Variants in CFAP299 observed in about 807,000 individuals in gnomAD.
The protein encoded by CFAP299 is cilia- and flagella-associated protein 299.
CFAP299 carries 21 observed loss-of-function variants against 27.0 expected under a neutral mutation model. The observed-to-expected ratio is 0.78, with a 90% CI of 0.55 to 1.12. The LOEUF (loss-of-function observed/expected upper bound fraction) is 1.12, where lower values mean the gene tolerates loss of function less well. Among genes scored for constraint, CFAP299 ranks in the 50% most tolerant of loss-of-function variants. The pLI is 0.00. For missense variants in CFAP299, 310 were observed against 276.6 expected (o/e 1.12, Z -0.86); for synonymous variants, 104 against 98.1 (o/e 1.06, Z -0.36).
rs187294630 is a variant in CFAP299, at chr4:80,934,427, A to G, written c.477-10383A>G. ...ATCAGGATAAAGTAGGCCCCATAAG[A>G]TGAATTTTGAAATATTCCCTCCTAT... On this transcript the variant is annotated intron_variant, in intron 4 of 5. Coordinates refer to ENST00000358105, the MANE Select transcript of CFAP299 (RefSeq NM_152770.3). 4.0e-3 allele frequency among the ~76,000 whole-genome samples: 616 copies of G among 152,160 alleles called. 1 individual carries two copies. Among genetic ancestry groups the G allele is most frequent in the Middle Eastern group, 0.014 (4 of 294 alleles).
chr4:80,685,775 A>AT (rs1327313111), intron 3 of CFAP299, among the ~76,000 whole-genome samples: 12 of 152,010 alleles, frequency 7.9e-5, no homozygotes, highest in Middle Eastern at 3.4e-3. Context: ...ATAATGCTGA[A>AT]TTTTTTTTCC....
At chr4:80,528,455 C>G (rs929472376) in intron 2 of CFAP299, among the ~76,000 whole-genome samples, 3 of 152,070 alleles carry the variant, frequency 2.0e-5, no homozygotes, top group African/African-American at 7.2e-5. Flanking sequence ...TGGCTAGATT[C>G]TCCTTTAGTT....
At chr4:80,370,713 A>AG (rs1362274209) in intron 2 of CFAP299, among the ~76,000 whole-genome samples, 1 of 152,324 alleles carries the variant, frequency 6.6e-6, no homozygotes, top group African/African-American at 2.4e-5. Flanking sequence ...TGCTGATGCA[A>AG]GGGGGGCTCC....
intron 4 of CFAP299, among the ~76,000 whole-genome samples, chr4:80,884,718 A>G (rs1028540075): frequency 6.8e-6 from 1 of 147,742 alleles, no homozygotes; most frequent in Non-Finnish European, 1.5e-5. Flanking sequence ...AAAATAAAAT[A>G]AACAAAGTTG....
intron 3 of CFAP299, among the ~76,000 whole-genome samples, chr4:80,688,540 C>T (rs1025046280): frequency 6.6e-6 from 1 of 152,230 alleles, no homozygotes; most frequent in Non-Finnish European, 1.5e-5. Flanking sequence ...AAAAACCCAT[C>T]TGTACATCAC....
At chr4:80,961,420 G>C (rs1738339292) in intron 5 of CFAP299, among the ~76,000 whole-genome samples, 1 of 151,668 alleles carries the variant, frequency 6.6e-6, no homozygotes, top group South Asian at 2.1e-4. Context: ...AAGTTATTAA[G>C]TATAGCACAA....
chr4:80,671,248 T>TC (rs1290249906), intron 3 of CFAP299, among the ~76,000 whole-genome samples: 2 of 152,220 alleles, frequency 1.3e-5, no homozygotes, highest in Non-Finnish European at 2.9e-5. Flanking sequence ...AAATAGGGAA[T>TC]CCTTTCCCCA....
rs77417319 is a variant in CFAP299 at position 80,497,426 on chromosome 4, A to G, written c.243-85667A>G. Among the ~76,000 whole-genome samples, 477 of 152,356 alleles carry G rather than the reference A, an allele frequency of 3.1e-3. 3 individuals carry two copies. The highest frequency in any genetic ancestry group is 0.028 in the East Asian group (144 of 5,190). On this transcript the variant is annotated intron_variant, in intron 2 of 5. Transcript: ENST00000358105. ...AATTAAAATATGCTAATTTTAAAGT[A>G]GGTTACAAAATAAAGTAAGTTCTCA...
chr4:80,507,970 G>A (rs920243538), intron 2 of CFAP299, among the ~76,000 whole-genome samples: 9 of 152,088 alleles, frequency 5.9e-5, no homozygotes, highest in Admixed American at 1.3e-4. Context: ...ATACTAGCTT[G>A]ATATATTTTT....
intron 1 of CFAP299, among the ~76,000 whole-genome samples, chr4:80,347,151 T>A (rs974503085): frequency 1.3e-5 from 2 of 152,186 alleles, no homozygotes; most frequent in African/African-American, 4.8e-5. Flanking sequence ...TGAAGTTGCT[T>A]ATCAGCTTAA....
chr4:80,432,190 C>T (rs951696515), intron 2 of CFAP299, among the ~76,000 whole-genome samples: 15 of 151,976 alleles, frequency 9.9e-5, no homozygotes, highest in Non-Finnish European at 1.8e-4. Context: ...CTTGCTGTGT[C>T]GCCCAGGCTG....
At chr4:80,383,931 TC>T (rs1301273228) in intron 2 of CFAP299, among the ~76,000 whole-genome samples, 2 of 152,176 alleles carry the variant, frequency 1.3e-5, no homozygotes, top group Non-Finnish European at 2.9e-5. Context: ...TGTGCTGTTT[TC>T]AATGTCCACT....
intron 1 of CFAP299, among the ~76,000 whole-genome samples, chr4:80,336,337 A>C (rs1722139530): frequency 6.6e-6 from 1 of 152,174 alleles, no homozygotes; most frequent in African/African-American, 2.4e-5. Context: ...ATTTGGTGTT[A>C]TATTGGGCGT....
intron 3 of CFAP299, among the ~76,000 whole-genome samples, chr4:80,799,463 T>TATTA (rs1728134070): frequency 1.2e-5 from 1 of 84,084 alleles, no homozygotes; most frequent in Non-Finnish European, 2.0e-5. Flanking sequence ...ATATAATATA[T>TATTA]TTTATAAATA....
At chr4:80,764,348 C>G (rs1725723015) in intron 3 of CFAP299, among the ~76,000 whole-genome samples, 1 of 152,128 alleles carries the variant, frequency 6.6e-6, no homozygotes, top group African/African-American at 2.4e-5. Flanking sequence ...TGAAAAAAAG[C>G]TCATCATCAC....
chr4:80,674,583 C>G (rs1298552100), intron 3 of CFAP299, among the ~76,000 whole-genome samples: 1 of 152,102 alleles, frequency 6.6e-6, no homozygotes, highest in Non-Finnish European at 1.5e-5. Flanking sequence ...TGCTAGGTTG[C>G]AGAAGTTCTC....
intron 3 of CFAP299, among the ~76,000 whole-genome samples, chr4:80,692,802 C>T (rs1366371955): frequency 6.6e-6 from 1 of 152,132 alleles, no homozygotes; most frequent in African/African-American, 2.4e-5. Context: ...ACTCATCTGA[C>T]AAAGGGCTGA....
rs989048303 is a variant in CFAP299, at chr4:80,801,004, T to G, written c.334-68989T>G. 2.0e-5 allele frequency among the ~76,000 whole-genome samples: 3 copies of G among 151,598 alleles called. No individual in the cohort carries two copies. The Admixed American group carries it at 2.0e-4, about 10-fold the overall frequency. ...ATGTTTTTCTGCCTGCTTTATATAC[T>G]GGCTGCCCTGACAGCTGATTAGATT... On this transcript the variant is annotated intron_variant, in intron 3 of 5. Transcript: ENST00000358105.
intron 2 of CFAP299, among the ~76,000 whole-genome samples, chr4:80,488,660 T>C (rs1291470883): frequency 3.9e-5 from 6 of 152,088 alleles, no homozygotes; most frequent in Non-Finnish European, 7.4e-5. Context: ...GTATTCTTAA[T>C]AGAGACGGGG....
Sources: allele counts gnomAD v4.1 joint callset (sites outside exome capture counted in the v4.1 genomes callset), GRCh38; gene constraint gnomAD v4.1.1; transcripts MANE v1.5; gene names NCBI Gene and HGNC (gene_info 2026-07-23, HGNC 2026-07-21).